The following ITGA9 variants were observed in gnomAD, a reference collection of about 807,000 sequenced individuals.
ITGA9 encodes the protein integrin subunit alpha 9.
In ITGA9, 56 loss-of-function variants were observed where a neutral mutation model predicts 127.8. The ratio of observed to expected loss-of-function variants is 0.44; its 90% CI spans 0.35 to 0.55. The LOEUF (loss-of-function observed/expected upper bound fraction) is 0.55. ITGA9 is among the 20% of genes least tolerant of loss of function. The pLI is 0.00. For synonymous variants in ITGA9, 508 were observed against 514.5 expected (o/e 0.99, Z 0.17); for missense variants, 1,196 against 1,347.1 (o/e 0.89, Z 1.76).
intron 27 of ITGA9, among the ~76,000 whole-genome samples, chr3:37,816,134 C>G (rs538555969): frequency 6.6e-6 from 1 of 152,274 alleles, no homozygotes; most frequent in African/African-American, 2.4e-5. Context: ...GCTGGAGAGT[C>G]ACATGGTAAA....
intron 26 of ITGA9, among the ~76,000 whole-genome samples, chr3:37,794,737 A>G (rs939748441): frequency 6.6e-6 from 1 of 152,214 alleles, no homozygotes; most frequent in African/African-American, 2.4e-5. Context: ...AGCCCAGCTC[A>G]TTCCTCTGCA....
At chr3:37,782,800 T>A (rs2125552792) in intron 25 of ITGA9, among the ~76,000 whole-genome samples, 1 of 152,352 alleles carries the variant, frequency 6.6e-6, no homozygotes, top group South Asian at 2.1e-4. Context: ...TTTTACTGTT[T>A]TGACCTTAAC....
chr3:37,812,774 CA>C (rs776669584), intron 27 of ITGA9, among the ~76,000 whole-genome samples: 29 of 152,350 alleles, frequency 1.9e-4, no homozygotes, highest in Non-Finnish European at 3.2e-4. Context: ...GAACAGTTAA[CA>C]GAGCCGCTTG....
chr3:37,532,494 AG>A (rs1303207303), intron 13 of ITGA9, among the ~76,000 whole-genome samples: 1 of 152,238 alleles, frequency 6.6e-6, no homozygotes, highest in Non-Finnish European at 1.5e-5. Context: ...TAGAGGTAAA[AG>A]GGTCTCTTTG....
intron 17 of ITGA9, among the ~76,000 whole-genome samples, chr3:37,660,557 C>T (rs1700524257): frequency 1.3e-5 from 2 of 152,156 alleles, no homozygotes; most frequent in Admixed American, 1.3e-4. Flanking sequence ...CCAGTCTGGC[C>T]TTTCAAGTGT....
intron 15 of ITGA9, among the ~76,000 whole-genome samples, chr3:37,608,485 T>C (rs537877458): frequency 2.6e-5 from 4 of 152,352 alleles, no homozygotes; most frequent in Non-Finnish European, 4.4e-5. Context: ...GTTGTAGTTT[T>C]ATAAAGAATG....
chr3:37,538,296 G>A (rs1007769484), intron 14 of ITGA9, among the ~76,000 whole-genome samples: 1 of 152,250 alleles, frequency 6.6e-6, no homozygotes, highest in Non-Finnish European at 1.5e-5. Flanking sequence ...TAGAGTTGAT[G>A]AGAGACAGCT....
rs536606631 is a variant in ITGA9, at chr3:37,716,759, G to T, written c.2068-15953G>T. 4.0e-5 allele frequency among the ~76,000 whole-genome samples: 6 copies of T among 151,862 alleles called. No individual in the cohort carries two copies. In the South Asian group the frequency reaches 8.4e-4, roughly 21 times the overall value. Reference sequence around the variant, plus strand: ...AAAGCAACCCTTACTATTTGTGTGTGCAAGTCGTTTTAAACAGCTGGCCCA... The same window carrying T: ...AAAGCAACCCTTACTATTTGTGTGTTCAAGTCGTTTTAAACAGCTGGCCCA... On this transcript the variant is annotated intron_variant, in intron 18 of 27. Transcript: ENST00000264741.
intron 6 of ITGA9, 130 bp from the exon 7 acceptor site, chr3:37,505,870 A>AT (rs1698835650): frequency 4.0e-6 from 3 of 745,942 alleles, no homozygotes; most frequent in Admixed American, 2.0e-5. Flanking sequence ...GACAGCTGCC[A>AT]TTTTTTTCCT....
At chr3:37,708,124 C>T (rs1030718927) in intron 18 of ITGA9, among the ~76,000 whole-genome samples, 5 of 152,142 alleles carry the variant, frequency 3.3e-5, no homozygotes, top group African/African-American at 1.2e-4. Flanking sequence ...GGGCCAGGCT[C>T]GGCTGTTCTT....
chr3:37,517,599 T>G lies in ITGA9; in HGVS notation c.1131T>G (p.Asp377Glu). The change falls in exon 10 of 28, where the codon GAT becomes GAG. Residue 377 changes from aspartate to glutamate, a missense_variant. Transcript: ENST00000264741. ...SIASLDDLDN[D>E]GFPDVAIGAP... ...CCAGCCTGGACGATCTGGACAATGA[T>G]GGGTTCCCAGGTGAGTGAGTGCTCC... The G allele has an allele frequency of 1.3e-6, 2 of 1,580,628 alleles. No homozygotes were observed. The highest frequency in any genetic ancestry group is 2.3e-5 in the South Asian group (2 of 85,854).
At chr3:37,572,773 C>T (rs1699614211) in intron 15 of ITGA9, among the ~76,000 whole-genome samples, 1 of 152,164 alleles carries the variant, frequency 6.6e-6, no homozygotes, top group South Asian at 2.1e-4. Context: ...TAGAGAAAAT[C>T]AGCTGGAGGG....
intron 16 of ITGA9, among the ~76,000 whole-genome samples, chr3:37,641,513 G>A (rs753351990): frequency 3.9e-5 from 6 of 151,940 alleles, no homozygotes; most frequent in Non-Finnish European, 7.4e-5. Context: ...ACCAGAACTC[G>A]GGAGCCAGCC....
At chr3:37,585,593 T>A (rs1345718675) in intron 15 of ITGA9, 6 of 513,062 alleles carry the variant, frequency 1.2e-5, no homozygotes, top group Non-Finnish European at 2.3e-5. Flanking sequence ...GGGTTTTATC[T>A]CCCAGATGTG....
Position 37,501,831 on chromosome 3 carries a change from G to C in ITGA9, c.613-1347G>C, listed in dbSNP as rs148561331. ...AGTTCCGAAGACCAGAATTAGTTTA[G>C]AGTGTCCTAGGCATGCAGTCTGAGG... On this transcript the variant is annotated intron_variant, in intron 5 of 27. Transcript: ENST00000264741. 1.9e-3 allele frequency among the ~76,000 whole-genome samples: 285 copies of C among 152,296 alleles called. 2 individuals are homozygous for C. The highest frequency in any genetic ancestry group is 4.4e-3 in the East Asian group (23 of 5,184).
At chr3:37,788,950 G>A (rs769686714) in intron 26 of ITGA9, among the ~76,000 whole-genome samples, 10 of 152,084 alleles carry the variant, frequency 6.6e-5, no homozygotes, top group Non-Finnish European at 1.3e-4. Flanking sequence ...CCAACATTTT[G>A]TAAACACTAA....
chr3:37,517,451 G>T, intron 9 of ITGA9, 53 bp from the exon 10 acceptor site: 1 of 1,306,342 alleles, frequency 7.7e-7, no homozygotes. Flanking sequence ...TTTATTGTTT[G>T]TTCTGTTTGT....
At chr3:37,586,943 GT>G (rs1699765223) in intron 15 of ITGA9, among the ~76,000 whole-genome samples, 1 of 152,194 alleles carries the variant, frequency 6.6e-6, no homozygotes, top group Non-Finnish European at 1.5e-5. Flanking sequence ...CTATGACACT[GT>G]TGAATGAATA....
chr3:37,734,576 G>A (rs957385261), intron 19 of ITGA9, among the ~76,000 whole-genome samples: 6 of 152,096 alleles, frequency 3.9e-5, no homozygotes, highest in African/African-American at 7.2e-5. Flanking sequence ...TGCAACCTCC[G>A]CCTCCCAGGT....
Sources: gnomAD v4.1 joint callset for allele counts (sites outside exome capture counted in the v4.1 genomes callset) on GRCh38, gnomAD v4.1.1 for gene constraint, MANE v1.5 for transcripts, NCBI Gene and HGNC (gene_info 2026-07-23, HGNC 2026-07-21) for gene names.